Variants in NAALADL2 observed in about 807,000 individuals in gnomAD.
NAALADL2 encodes the protein N-acetylated alpha-linked acidic dipeptidase like 2.
In NAALADL2, 76 loss-of-function variants were observed where a neutral mutation model predicts 87.2. The observed-to-expected ratio is 0.87, with a 90% CI of 0.72 to 1.05. The LOEUF is 1.05. Ranked by LOEUF, NAALADL2 falls within the 50% of genes least tolerant of loss-of-function variation. The pLI, the probability that NAALADL2 is intolerant of heterozygous loss-of-function variation, is 0.00. For synonymous variants in NAALADL2, 354 were observed against 331.0 expected (o/e 1.07, Z -0.75); for missense variants, 1,089 against 945.8 (o/e 1.15, Z -1.99).
chr3:175,223,112 G>A (rs1250459590), intron 2 of NAALADL2, among the ~76,000 whole-genome samples: 1 of 151,718 alleles, frequency 6.6e-6, no homozygotes, highest in Admixed American at 6.6e-5. Flanking sequence ...GTGTGTGTGT[G>A]TGTGTGTGTG....
chr3:175,237,312 G>A (rs932252002), intron 3 of NAALADL2, among the ~76,000 whole-genome samples: 1 of 151,982 alleles, frequency 6.6e-6, no homozygotes, highest in African/African-American at 2.4e-5. Context: ...ATATATTCAG[G>A]CCTAAAGTAT....
In NAALADL2 at chr3:175,038,804, G is replaced by A. The variant is rs376685030; in HGVS notation, c.44-57986G>A. Among the ~76,000 whole-genome samples the A allele has an allele frequency of 1.2e-4, 18 of 151,280 alleles. No homozygotes were observed. In the East Asian group the frequency reaches 2.7e-3, roughly 23 times the overall value. ...AATTTTCTTTTTTTTTTTAAGCTTTGCCTATGTAGTGAACAAATAATTTAT... is the reference window on the plus strand; with the variant it reads ...AATTTTCTTTTTTTTTTTAAGCTTTACCTATGTAGTGAACAAATAATTTAT... On this transcript the variant is annotated intron_variant, in intron 1 of 13. Transcript: ENST00000454872.
chr3:175,767,394 T>C (rs779253756), intron 13 of NAALADL2, among the ~76,000 whole-genome samples: 19 of 152,096 alleles, frequency 1.2e-4, no homozygotes, highest in Non-Finnish European at 2.5e-4. Flanking sequence ...AACCCTCAAA[T>C]TACATATAGT....
chr3:175,286,577 A>G (rs6776646), intron 4 of NAALADL2, among the ~76,000 whole-genome samples: 78,260 of 151,948 alleles, frequency 0.52, 21,042 homozygotes, highest in African/African-American at 0.66. Context: ...TTGTAGAACT[A>G]CCTCTATAAT....
intron 1 of NAALADL2, among the ~76,000 whole-genome samples, chr3:174,997,013 T>C (rs1012244233): frequency 1.5e-5 from 2 of 133,504 alleles, no homozygotes; most frequent in Non-Finnish European, 3.1e-5. Flanking sequence ...TGTGTGTGTG[T>C]GTGTGTGTGT....
chr3:174,961,041 A>AAT (rs145962467), intron 1 of NAALADL2, among the ~76,000 whole-genome samples: 61,782 of 146,500 alleles, frequency 0.42, 14,699 homozygotes, highest in Non-Finnish European at 0.56. Flanking sequence ...TGTTTCTAAA[A>AAT]ATATATATAT....
At chr3:174,623,859 T>A (rs1721289912) in intron 2 of NAALADL2, among the ~76,000 whole-genome samples, 3 of 152,164 alleles carry the variant, frequency 2.0e-5, no homozygotes, top group Admixed American at 6.5e-5. Flanking sequence ...CCTTCTACCA[T>A]GTAAATAGGA....
chr3:175,656,206 G>A (rs1198669768), intron 11 of NAALADL2, among the ~76,000 whole-genome samples: 1 of 152,166 alleles, frequency 6.6e-6, no homozygotes, highest in Non-Finnish European at 1.5e-5. Flanking sequence ...CCATCTCAGG[G>A]TTTGAGAGAG....
intron 1 of NAALADL2, among the ~76,000 whole-genome samples, chr3:175,094,756 T>TC (rs747838814): frequency 3.1e-5 from 4 of 129,796 alleles, no homozygotes; most frequent in Admixed American, 7.5e-5. Context: ...CCAGACACTA[T>TC]AGTGTGTGTG....
intron 2 of NAALADL2, among the ~76,000 whole-genome samples, chr3:174,576,846 A>G (rs1288584330): frequency 1.3e-5 from 2 of 152,192 alleles, no homozygotes; most frequent in Non-Finnish European, 2.9e-5. Flanking sequence ...CTTTATTATG[A>G]CAGTCAATTG....
At chr3:174,784,881 C>T (rs1716412050) in intron 3 of NAALADL2, among the ~76,000 whole-genome samples, 1 of 152,110 alleles carries the variant, frequency 6.6e-6, no homozygotes, top group Non-Finnish European at 1.5e-5. Flanking sequence ...GAAGTGTTTC[C>T]TTTTCTTTCT....
intron 3 of NAALADL2, among the ~76,000 whole-genome samples, chr3:174,847,064 T>C (rs1489876861): frequency 2.0e-5 from 3 of 152,162 alleles, no homozygotes; most frequent in Non-Finnish European, 4.4e-5. Flanking sequence ...AGATAAATTC[T>C]AAGTTTCTGT....
At chr3:174,658,080 C>T (rs1020139379) in intron 2 of NAALADL2, among the ~76,000 whole-genome samples, 1 of 152,134 alleles carries the variant, frequency 6.6e-6, no homozygotes, top group African/African-American at 2.4e-5. Context: ...AATAAAGCTG[C>T]TAGAAACACG....
At position 175,599,047 on chromosome 3, in the gene NAALADL2, T is replaced by A. The variant is rs114183577; in HGVS notation, c.1800+22860T>A. Among the ~76,000 whole-genome samples, 244 of 152,254 alleles carry A rather than the reference T, an allele frequency of 1.6e-3. 2 individuals carry two copies. Among genetic ancestry groups the A allele is most frequent in the African/African-American group, 5.5e-3 (230 of 41,562 alleles). On this transcript the variant is annotated intron_variant, in intron 10 of 13. Transcript: ENST00000454872. ...TGTTACTTAGCGCCTTGGAAGAACATCTTTGTTATACTCTTCATGGTGTGG... is the reference window on the plus strand; with the variant it reads ...TGTTACTTAGCGCCTTGGAAGAACAACTTTGTTATACTCTTCATGGTGTGG...
At position 175,615,356 on chromosome 3, in the gene NAALADL2, TC is replaced by T. The variant is rs147697776; in HGVS notation, c.1801-11934del. ...TATTGGGAAAAATAATAAATACCTT[TC>T]TGAAAAAAATTGTTTGATGAATAAA... On this transcript the variant is annotated intron_variant, in intron 10 of 13. Coordinates refer to ENST00000454872, the MANE Select transcript of NAALADL2 (RefSeq NM_207015.3). 6.0e-3 allele frequency among the ~76,000 whole-genome samples: 913 copies of T among 152,216 alleles called. 5 individuals carry two copies. Among genetic ancestry groups the T allele is most frequent in the African/African-American group, 0.021 (856 of 41,516 alleles).
chr3:175,628,519 C>A (rs1007308909), intron 11 of NAALADL2, among the ~76,000 whole-genome samples: 4 of 149,998 alleles, frequency 2.7e-5, no homozygotes, highest in Non-Finnish European at 5.9e-5. Flanking sequence ...TTTACATTTA[C>A]CAATTATTTA....
At chr3:174,771,944 T>C (rs1578863873) in intron 3 of NAALADL2, among the ~76,000 whole-genome samples, 1 of 152,204 alleles carries the variant, frequency 6.6e-6, no homozygotes, top group Middle Eastern at 3.2e-3. Context: ...CTTACTCTTA[T>C]CAAACATATG....
At chr3:174,979,435 A>C (rs528140092) in intron 1 of NAALADL2, among the ~76,000 whole-genome samples, 1 of 149,942 alleles carries the variant, frequency 6.7e-6, no homozygotes, top group Non-Finnish European at 1.5e-5. Context: ...TCTCCCAAGT[A>C]GCTGGGACTA....
intron 1 of NAALADL2, among the ~76,000 whole-genome samples, chr3:174,999,453 A>G (rs752913965): frequency 2.6e-5 from 4 of 152,118 alleles, no homozygotes; most frequent in Non-Finnish European, 4.4e-5. Flanking sequence ...GAACTGTATT[A>G]GCTTTTGTGT....
Sources: gnomAD v4.1 joint callset for allele counts (sites outside exome capture counted in the v4.1 genomes callset) on GRCh38, gnomAD v4.1.1 for gene constraint, MANE v1.5 for transcripts, NCBI Gene and HGNC (gene_info 2026-07-23, HGNC 2026-07-21) for gene names.